SLC35F4: variants seen among roughly 807,000 people sequenced by gnomAD.
The protein encoded by SLC35F4 is chromosome 14 open reading frame 36.
SLC35F4 carries 24 observed loss-of-function variants against 44.2 expected under a neutral mutation model. The observed-to-expected ratio is 0.54, with a 90% confidence interval of 0.39 to 0.76. SLC35F4 has a LOEUF of 0.76. Ranked by LOEUF, SLC35F4 falls within the 30% of genes least tolerant of loss-of-function variation. The pLI, the probability that SLC35F4 is intolerant of heterozygous loss-of-function variation, is 0.00. For missense variants in SLC35F4, 562 were observed against 586.1 expected (o/e 0.96, Z 0.42); for synonymous variants, 238 against 223.6 (o/e 1.06, Z -0.57).
rs554787054 is a variant in SLC35F4, at chr14:57,619,409, G to A, written c.104-25285C>T. 3.9e-4 allele frequency among the ~76,000 whole-genome samples: 60 copies of A among 152,304 alleles called. No homozygotes were observed. In the East Asian group the frequency reaches 0.011, roughly 27 times the overall value. On this transcript the variant is annotated intron_variant, in intron 1 of 7. Transcript: ENST00000556826. The stretch of plus-strand genomic sequence containing the variant: ...GATACCCAGGCAAAAAAGGTCTGGA[G>A]TGGACCTCCAACAAACTCCAGTAGA...
intron 1 of SLC35F4, among the ~76,000 whole-genome samples, chr14:57,857,256 A>T (rs1289097639): frequency 1.3e-5 from 2 of 151,866 alleles, no homozygotes; most frequent in African/African-American, 4.9e-5. Context: ...CAGCCTGGGC[A>T]ACACACCAAG....
intron 1 of SLC35F4, among the ~76,000 whole-genome samples, chr14:57,959,912 A>C (rs1295406999): frequency 6.6e-6 from 1 of 152,118 alleles, no homozygotes; most frequent in Non-Finnish European, 1.5e-5. Context: ...GCATTGAAAA[A>C]TGAACTGGGC....
chr14:57,858,983 CCTGTAGTCCTA>C (rs1224168517), intron 1 of SLC35F4, among the ~76,000 whole-genome samples: 1 of 151,210 alleles, frequency 6.6e-6, no homozygotes, highest in Non-Finnish European at 1.5e-5. Context: ...ATGATACGCA[CCTGTAGTCCTA>C]CTCAGGAGGC....
chr14:57,793,955 T>C (rs1036454684), intron 1 of SLC35F4, among the ~76,000 whole-genome samples: 1 of 152,000 alleles, frequency 6.6e-6, no homozygotes, highest in Non-Finnish European at 1.5e-5. Flanking sequence ...AAAACACAAA[T>C]TGAGGAAAGG....
chr14:57,756,844 T>C (rs142132793), intron 1 of SLC35F4, among the ~76,000 whole-genome samples: 3,520 of 151,752 alleles, frequency 0.023, 141 homozygotes, highest in East Asian at 0.17. Context: ...TAATTTTTTG[T>C]AGAGACAGGT....
At position 57,940,480 on chromosome 14, in the gene SLC35F4, C is replaced by T. The variant is rs78347927; in HGVS notation, n.282+41433G>A. Among the ~76,000 whole-genome samples the T allele has an allele frequency of 1.3e-3, 204 of 152,232 alleles. 1 individual carries two copies. The East Asian group carries it at 0.032, about 24-fold the overall frequency. Reference sequence around the variant, plus strand: ...TGATTTTCTCAAAGCACTTTTGCCTCTCTTATCTTAGATAAAATTAGCTGT... The same window carrying T: ...TGATTTTCTCAAAGCACTTTTGCCTTTCTTATCTTAGATAAAATTAGCTGT... On this transcript the variant is annotated intron_variant and non_coding_transcript_variant, in intron 1 of 1. Transcript: ENST00000556568.
intron 1 of SLC35F4, among the ~76,000 whole-genome samples, chr14:57,874,651 C>T (rs1328526011): frequency 6.6e-6 from 1 of 152,168 alleles, no homozygotes; most frequent in Non-Finnish European, 1.5e-5. Flanking sequence ...TGACCCTGTG[C>T]AATGCCATCT....
chr14:57,825,606 A>G (rs1883651635), intron 1 of SLC35F4, among the ~76,000 whole-genome samples: 1 of 152,170 alleles, frequency 6.6e-6, no homozygotes, highest in South Asian at 2.1e-4. Flanking sequence ...ATGATCCCAT[A>G]TCTAGAAAAC....
rs563162147 is a variant in SLC35F4 at position 57,625,750 on chromosome 14, G to A, written c.104-31626C>T. ...TGCTGGGAAAACTGGCTAGCCATACGCAGAAAACTGAAACTGGATCCTTTC... is the reference window on the plus strand; with the variant it reads ...TGCTGGGAAAACTGGCTAGCCATACACAGAAAACTGAAACTGGATCCTTTC... On this transcript the variant is annotated intron_variant, in intron 1 of 7. Transcript: ENST00000556826. Among the ~76,000 whole-genome samples, 328 of 152,262 alleles carry A rather than the reference G, an allele frequency of 2.2e-3. 2 individuals are homozygous for A. Among genetic ancestry groups the A allele is most frequent in the South Asian group, 6.8e-3 (33 of 4,820 alleles).
At chr14:57,589,866 A>C (rs1451858549) in intron 2 of SLC35F4, among the ~76,000 whole-genome samples, 1 of 152,192 alleles carries the variant, frequency 6.6e-6, no homozygotes, top group African/African-American at 2.4e-5. Flanking sequence ...GAATGTGAGA[A>C]GACATGAGGC....
chr14:57,814,768 T>C (rs910617977), intron 1 of SLC35F4, among the ~76,000 whole-genome samples: 2 of 152,190 alleles, frequency 1.3e-5, no homozygotes, highest in African/African-American at 4.8e-5. Flanking sequence ...GGACCCTGGG[T>C]ATGGCGATGG....
At chr14:57,776,081 A>G (rs2077480847) in intron 1 of SLC35F4, among the ~76,000 whole-genome samples, 1 of 152,234 alleles carries the variant, frequency 6.6e-6, no homozygotes, top group South Asian at 2.1e-4. Context: ...TTCTGAAATA[A>G]GACAGAAGAG....
chr14:57,972,515 G>T (rs1024265878), downstream of SLC35F4, among the ~76,000 whole-genome samples: 1 of 150,032 alleles, frequency 6.7e-6, no homozygotes. Flanking sequence ...AAAAAGGAAA[G>T]AACTATATCA....
intron 6 of SLC35F4, among the ~76,000 whole-genome samples, chr14:57,568,250 C>T (rs1239727481): frequency 6.6e-6 from 1 of 151,470 alleles, no homozygotes; most frequent in Non-Finnish European, 1.5e-5. Context: ...CAGTGTTCAG[C>T]TAGCACAGGT....
At chr14:57,957,850 T>C (rs1890266574) in intron 1 of SLC35F4, among the ~76,000 whole-genome samples, 1 of 152,156 alleles carries the variant, frequency 6.6e-6, no homozygotes, top group South Asian at 2.1e-4. Context: ...TCTGAATGAG[T>C]TATTTTTAGG....
chr14:57,661,547 A>T (rs561606875), intron 1 of SLC35F4, among the ~76,000 whole-genome samples: 129 of 152,216 alleles, frequency 8.5e-4, no homozygotes, highest in Non-Finnish European at 1.7e-3. Context: ...CTGTAGCAGT[A>T]ATAAATCAGT....
At chr14:57,919,856 C>A (rs1199314848) in intron 1 of SLC35F4, among the ~76,000 whole-genome samples, 1 of 152,154 alleles carries the variant, frequency 6.6e-6, no homozygotes, top group African/African-American at 2.4e-5. Flanking sequence ...AGAGGGCCAA[C>A]TTTGATGTGG....
At chr14:57,628,685 T>C (rs1477995357) in intron 1 of SLC35F4, among the ~76,000 whole-genome samples, 1 of 152,090 alleles carries the variant, frequency 6.6e-6, no homozygotes, top group Non-Finnish European at 1.5e-5. Flanking sequence ...ATTTTCTTTA[T>C]CCAGCTAAAT....
rs115322721 is a variant in SLC35F4, at chr14:57,961,359, A to G, written n.282+20554T>C. ...TTTGGCAGGCTGCATTGCAGAGCTG[A>G]GGACAGAGCAGCGCCACAGAGTAAA... On this transcript the variant is annotated intron_variant and non_coding_transcript_variant, in intron 1 of 1. Transcript: ENST00000556568. Among the ~76,000 whole-genome samples, 1,063 of 152,272 alleles carry G rather than the reference A, an allele frequency of 7.0e-3. 13 individuals are homozygous for G. Among genetic ancestry groups the G allele is most frequent in the African/African-American group, 0.025 (1,025 of 41,540 alleles).
Sources: gnomAD v4.1 joint callset for allele counts (sites outside exome capture counted in the v4.1 genomes callset) on GRCh38, gnomAD v4.1.1 for gene constraint, MANE v1.5 for transcripts, NCBI Gene and HGNC (gene_info 2026-07-23, HGNC 2026-07-21) for gene names.